The following RNF115 variants were observed in gnomAD, a reference collection of about 807,000 sequenced individuals.
RNF115 encodes the protein E3 ubiquitin-protein ligase RNF115.
A neutral mutation model predicts 39.2 loss-of-function variants in RNF115; 31 were observed. The ratio of observed to expected loss-of-function variants is 0.79; its 90% CI spans 0.59 to 1.07. RNF115 has a LOEUF of 1.07. Ranked by LOEUF, RNF115 falls within the 50% of genes least tolerant of loss-of-function variation. The pLI is 0.00. For missense variants in RNF115, 384 were observed against 381.7 expected (o/e 1.01, Z -0.05); for synonymous variants, 124 against 131.0 (o/e 0.95, Z 0.37).
Position 145,750,454 on chromosome 1 carries a change from T to G in RNF115, c.620A>C (p.Glu207Ala). 6.2e-7 allele frequency: 1 copy of G among 1,614,128 alleles called. No homozygotes were observed. The highest frequency in any genetic ancestry group is 8.5e-7 in the Non-Finnish European group (1 of 1,179,990). Residue 207 changes from glutamate to alanine, a missense_variant, in exon 7 of 9, where the codon GAA (glutamate) becomes GCA (alanine). Coordinates refer to ENST00000582693, the MANE Select transcript of RNF115 (RefSeq NM_014455.4). The part of the protein sequence containing the change: ...ENTGPPPADK[E>A]KITSLPTVTV... ...CACTGTTGGAAGAGATGTGATCTTT[T>G]CCTTGTCAGCTGGGGGAGGGCCTGT...
intron 1 of RNF115, among the ~76,000 whole-genome samples, chr1:145,809,040 G>A (rs1363634779): frequency 6.6e-6 from 1 of 152,060 alleles, no homozygotes; most frequent in Non-Finnish European, 1.5e-5. Context: ...CTTCTTATAA[G>A]CTCTCATATG....
At chr1:145,751,389 G>T in intron 6 of RNF115, 49 bp downstream of exon 6, 1 of 1,284,838 alleles carries the variant, frequency 7.8e-7, no homozygotes, top group East Asian at 2.5e-5. Context: ...GGAAGCCTGT[G>T]GAACCATGAG....
chr1:145,763,143 G>T (rs141450910), intron 4 of RNF115, among the ~76,000 whole-genome samples: 2,562 of 152,216 alleles, frequency 0.017, 68 homozygotes, highest in African/African-American at 0.059. Flanking sequence ...TGTTTTGTGA[G>T]TTACCAGGAA....
At chr1:145,770,487 TAGCTATTTGGGATTG>T (rs1647585944) in intron 4 of RNF115, among the ~76,000 whole-genome samples, 1 of 152,162 alleles carries the variant, frequency 6.6e-6, no homozygotes, top group African/African-American at 2.4e-5. Flanking sequence ...ACTCAAAATA[TAGCTATTTGGGATTG>T]AGGTACTTTG....
chr1:145,807,155 T>C (rs587607798), intron 1 of RNF115, among the ~76,000 whole-genome samples: 5 of 152,370 alleles, frequency 3.3e-5, no homozygotes, highest in Admixed American at 3.3e-4. Context: ...TTTAATGTTA[T>C]TATCAAATAC....
intron 3 of RNF115, among the ~76,000 whole-genome samples, chr1:145,777,110 A>G (rs1217068198): frequency 6.6e-6 from 1 of 152,218 alleles, no homozygotes; most frequent in African/African-American, 2.4e-5. Flanking sequence ...CATGTTCTCA[A>G]TCATCTATCT....
At chr1:145,792,933 T>A (rs1475559037) in intron 1 of RNF115, among the ~76,000 whole-genome samples, 1 of 152,224 alleles carries the variant, frequency 6.6e-6, no homozygotes, top group Non-Finnish European at 1.5e-5. Flanking sequence ...AGAAATGAAG[T>A]AATCTGGAGA....
At chr1:145,778,673 C>T (rs1195821635) in intron 3 of RNF115, among the ~76,000 whole-genome samples, 1 of 152,132 alleles carries the variant, frequency 6.6e-6, no homozygotes, top group Non-Finnish European at 1.5e-5. Context: ...TGTAATCCTT[C>T]CCTCCTGCCC....
At position 145,746,786 on chromosome 1, in the gene RNF115, T is replaced by C; in HGVS notation, c.*80A>G. 3 of 1,385,616 alleles carry C rather than the reference T, an allele frequency of 2.2e-6. No homozygotes were observed. In the East Asian group the frequency reaches 7.0e-5, roughly 32 times the overall value. 85.8% of individuals were successfully genotyped at this position (1,385,616 alleles called of 1,614,324 possible). ...TTTCTTACATATTCCTAAATCCATC[T>C]ACTAATTTTTTGTTTTGATACAATT... On this transcript the variant is annotated 3_prime_UTR_variant, in exon 9 of 9. Coordinates refer to ENST00000582693, the MANE Select transcript of RNF115 (RefSeq NM_014455.4).
At chr1:145,819,845 C>A (rs1162129199) in intron 1 of RNF115, among the ~76,000 whole-genome samples, 1 of 152,158 alleles carries the variant, frequency 6.6e-6, no homozygotes, top group Non-Finnish European at 1.5e-5. Flanking sequence ...CAAAGCCAAC[C>A]CGGCCAACAC....
chr1:145,747,718 A>G (rs148058221), intron 8 of RNF115, among the ~76,000 whole-genome samples: 1 of 152,210 alleles, frequency 6.6e-6, no homozygotes, highest in East Asian at 1.9e-4. Flanking sequence ...CAACTAATCA[A>G]CTCTGCTGAC....
chr1:145,761,653 G>A lies in RNF115; in HGVS notation c.429-8604C>T, dbSNP rs144194559. Reference sequence around the variant, plus strand: ...CCAGGCAAAAGTTTGCTGCAGGGGCGGAGCCCTCATGGAGAACCTCTGCTA... The same window carrying A: ...CCAGGCAAAAGTTTGCTGCAGGGGCAGAGCCCTCATGGAGAACCTCTGCTA... On this transcript the variant is annotated intron_variant, in intron 4 of 8. Coordinates refer to ENST00000582693, the MANE Select transcript of RNF115 (RefSeq NM_014455.4). 1.9e-3 allele frequency among the ~76,000 whole-genome samples: 290 copies of A among 152,364 alleles called. 1 individual carries two copies. The highest frequency in any genetic ancestry group is 6.6e-3 in the African/African-American group (275 of 41,576).
chr1:145,767,422 G>T (rs587601437), intron 4 of RNF115, among the ~76,000 whole-genome samples: 1 of 150,210 alleles, frequency 6.7e-6, no homozygotes, highest in African/African-American at 2.5e-5. Context: ...ATGGGCGGCC[G>T]GGCAGAGACG....
intron 4 of RNF115, among the ~76,000 whole-genome samples, chr1:145,758,273 T>A (rs781893021): frequency 6.6e-6 from 1 of 152,138 alleles, no homozygotes; most frequent in Non-Finnish European, 1.5e-5. Flanking sequence ...CCAAGTAATA[T>A]GGACATTCAA....
At chr1:145,812,973 CA>C (rs1649803899) in intron 1 of RNF115, among the ~76,000 whole-genome samples, 1 of 144,808 alleles carries the variant, frequency 6.9e-6, no homozygotes, top group African/African-American at 2.5e-5. Context: ...CTCTGAACAG[CA>C]AACAATTGAA....
At chr1:145,771,940 G>A (rs1553715842) in intron 3 of RNF115, 21 bp from the exon 4 acceptor site, 1 of 1,592,704 alleles carries the variant, frequency 6.3e-7, no homozygotes, top group African/African-American at 1.3e-5. Context: ...CCAGAAATAA[G>A]TCACATGTTA....
intron 3 of RNF115, among the ~76,000 whole-genome samples, chr1:145,778,640 C>A (rs782807943): frequency 6.6e-6 from 1 of 152,138 alleles, no homozygotes; most frequent in Non-Finnish European, 1.5e-5. Context: ...CTCATCACCC[C>A]GAAATGTTTC....
intron 4 of RNF115, among the ~76,000 whole-genome samples, chr1:145,760,174 A>G (rs973779249): frequency 6.6e-6 from 1 of 152,172 alleles, no homozygotes; most frequent in Non-Finnish European, 1.5e-5. Context: ...AGAGTGGCTC[A>G]CACCTGTAAT....
chr1:145,764,897 G>A (rs181430603), intron 4 of RNF115, among the ~76,000 whole-genome samples: 8 of 152,194 alleles, frequency 5.3e-5, no homozygotes, highest in African/African-American at 1.9e-4. Flanking sequence ...CCCTCTGCCC[G>A]GCCACCACCC....
Sources: allele counts gnomAD v4.1 joint callset (sites outside exome capture counted in the v4.1 genomes callset), GRCh38; gene constraint gnomAD v4.1.1; transcripts MANE v1.5; gene names NCBI Gene and HGNC (gene_info 2026-07-23, HGNC 2026-07-21).